Variants in INSR observed in about 807,000 individuals in gnomAD.
INSR encodes insulin receptor.
Under a neutral mutation model 142.6 loss-of-function variants are expected in INSR, and 67 were observed. The ratio of observed to expected loss-of-function variants is 0.47; its 90% CI spans 0.39 to 0.58. The LOEUF (loss-of-function observed/expected upper bound fraction) is 0.58, where lower values mean the gene tolerates loss of function less well. Among genes scored for constraint, INSR ranks in the 20% least tolerant of loss-of-function variants. The pLI is 0.00. For synonymous variants in INSR, 756 were observed against 743.1 expected (o/e 1.02, Z -0.28); for missense variants, 1,248 against 1,833.2 (o/e 0.68, Z 5.83).
chr19:7,138,306 C>T lies in INSR; in HGVS notation c.2682+3371G>A, dbSNP rs190263169. Among the ~76,000 whole-genome samples the T allele has an allele frequency of 1.2e-4, 19 of 152,208 alleles. No individual in the cohort carries two copies. In the East Asian group the frequency reaches 2.9e-3, roughly 23 times the overall value. ...AACTGCTGGGGGATAACAACACAAA[C>T]GAACTAAACTCCAGAGCATGTAATT... On this transcript the variant is annotated intron_variant, in intron 13 of 21. Transcript: ENST00000302850.
chr19:7,255,004 C>T lies in INSR; in HGVS notation c.652+12341G>A, dbSNP rs73492822. Among the ~76,000 whole-genome samples the T allele has an allele frequency of 7.4e-3, 1,133 of 152,126 alleles. 17 individuals carry two copies. Among genetic ancestry groups the T allele is most frequent in the African/African-American group, 0.026 (1,068 of 41,502 alleles). On this transcript the variant is annotated intron_variant, in intron 2 of 21. Coordinates refer to ENST00000302850, the MANE Select transcript of INSR (RefSeq NM_000208.4). ...GTCAGTTTCAACTGATAGCCCTCAG[C>T]CTCCCCCGGCCCCCCTCCCCGGTCC...
intron 2 of INSR, among the ~76,000 whole-genome samples, chr19:7,251,374 A>G (rs761277011): frequency 1.3e-5 from 2 of 151,938 alleles, no homozygotes; most frequent in Non-Finnish European, 2.9e-5. Flanking sequence ...CTCCCACCTC[A>G]GCCTCCCGAG....
At chr19:7,262,181 C>T (rs749227937) in intron 2 of INSR, among the ~76,000 whole-genome samples, 1 of 152,034 alleles carries the variant, frequency 6.6e-6, no homozygotes, top group African/African-American at 2.4e-5. Context: ...ATCAAATAAG[C>T]CTCCTAAGGC....
intron 13 of INSR, among the ~76,000 whole-genome samples, chr19:7,134,635 T>A (rs1416381069): frequency 2.0e-5 from 3 of 151,426 alleles, no homozygotes; most frequent in Non-Finnish European, 2.9e-5. Context: ...TGTGGTGGTG[T>A]GCGCCTGTAA....
intron 2 of INSR, among the ~76,000 whole-genome samples, chr19:7,262,119 G>C (rs2145198453): frequency 6.6e-6 from 1 of 152,310 alleles, no homozygotes; most frequent in Middle Eastern, 3.4e-3. Context: ...CTAAGACAGG[G>C]GAGTATCCTC....
At chr19:7,170,070 C>A (rs543054482) in intron 6 of INSR, among the ~76,000 whole-genome samples, 1 of 152,196 alleles carries the variant, frequency 6.6e-6, no homozygotes, top group East Asian at 1.9e-4. Flanking sequence ...GGCTGTACAG[C>A]AGGAGGTGAG....
intron 2 of INSR, among the ~76,000 whole-genome samples, chr19:7,198,241 C>T (rs2145036227): frequency 6.6e-6 from 1 of 151,222 alleles, no homozygotes; most frequent in African/African-American, 2.4e-5. Context: ...AATGGGCGGG[C>T]GTGCTGCAGG....
At chr19:7,164,092 TAAAAAA>T (rs4031077) in intron 8 of INSR, among the ~76,000 whole-genome samples, 98 of 80,276 alleles carry the variant, frequency 1.2e-3, no homozygotes, top group African/African-American at 4.5e-3. Flanking sequence ...GAAACTCCGT[TAAAAAA>T]AAAAAAAAAA....
At chr19:7,264,400 T>C (rs903886789) in intron 2 of INSR, among the ~76,000 whole-genome samples, 4 of 152,186 alleles carry the variant, frequency 2.6e-5, no homozygotes, top group African/African-American at 7.2e-5. Flanking sequence ...GGAGACTCAA[T>C]TGCAGATAAC....
intron 2 of INSR, among the ~76,000 whole-genome samples, chr19:7,202,857 G>T (rs1449639618): frequency 6.6e-6 from 1 of 152,038 alleles, no homozygotes; most frequent in African/African-American, 2.4e-5. Context: ...TAATTATCAA[G>T]TGGTAGGAGT....
At chr19:7,121,841 C>T (rs750434053) in intron 19 of INSR, among the ~76,000 whole-genome samples, 11 of 152,166 alleles carry the variant, frequency 7.2e-5, no homozygotes, top group Admixed American at 1.3e-4. Context: ...GGTGGGGGGT[C>T]CCCATCCAAA....
intron 2 of INSR, among the ~76,000 whole-genome samples, chr19:7,189,698 C>G (rs1310925844): frequency 6.8e-6 from 1 of 146,292 alleles, no homozygotes; most frequent in Non-Finnish European, 1.5e-5. Context: ...GAGTCTTGCT[C>G]TGTTGTCCAG....
chr19:7,190,449 T>G (rs1974549595), intron 2 of INSR, among the ~76,000 whole-genome samples: 1 of 146,630 alleles, frequency 6.8e-6, no homozygotes. Flanking sequence ...CTCAGCTCAC[T>G]GCAACCTCCG....
intron 2 of INSR, among the ~76,000 whole-genome samples, chr19:7,206,927 A>G: frequency 6.6e-6 from 1 of 152,168 alleles, no homozygotes; most frequent in African/African-American, 2.4e-5. Flanking sequence ...CATCCACAGT[A>G]ACAGAACACT....
At chr19:7,190,366 G>A (rs2145006082) in intron 2 of INSR, among the ~76,000 whole-genome samples, 1 of 131,208 alleles carries the variant, frequency 7.6e-6, no homozygotes, top group South Asian at 2.4e-4. Flanking sequence ...GTGTTCTTTG[G>A]TGGTTTTTTT....
intron 2 of INSR, among the ~76,000 whole-genome samples, chr19:7,246,469 C>A (rs1030677232): frequency 1.3e-5 from 2 of 152,194 alleles, no homozygotes; most frequent in African/African-American, 4.8e-5. Flanking sequence ...ATCCAGCTAC[C>A]AGACAACCCA....
chr19:7,204,943 G>T (rs1975067007), intron 2 of INSR, among the ~76,000 whole-genome samples: 1 of 152,138 alleles, frequency 6.6e-6, no homozygotes. Context: ...AATTAGCCGG[G>T]CATGGTGGCG....
At chr19:7,231,750 C>CAACAT (rs1339222646) in intron 2 of INSR, among the ~76,000 whole-genome samples, 1 of 149,990 alleles carries the variant, frequency 6.7e-6, no homozygotes, top group Non-Finnish European at 1.5e-5. Flanking sequence ...GACTACCTGC[C>CAACAT]AACATACCTT....
chr19:7,256,544 T>G (rs1168127884), intron 2 of INSR, among the ~76,000 whole-genome samples: 1 of 152,058 alleles, frequency 6.6e-6, no homozygotes, highest in African/African-American at 2.4e-5. Context: ...GCAGGTGGAT[T>G]GCTTGGGCCC....
Sources: allele counts gnomAD v4.1 joint callset (sites outside exome capture counted in the v4.1 genomes callset), GRCh38; gene constraint gnomAD v4.1.1; transcripts MANE v1.5; gene names NCBI Gene and HGNC (gene_info 2026-07-23, HGNC 2026-07-21).